The following SPMIP1 variants were observed in gnomAD, a reference collection of about 807,000 sequenced individuals.
SPMIP1 encodes sperm microtubule inner protein 1, also known as protein SPMIP1.
chr7:128,866,938 C>A, the SPMIP1 span: 1 of 1,120,988 alleles, frequency 8.9e-7, no homozygotes, highest in Non-Finnish European at 1.2e-6. Flanking sequence ...AAGGAGATGG[C>A]CAAGAAGTGT....
the SPMIP1 span, chr7:128,866,419 C>G: frequency 3.2e-5 from 48 of 1,521,644 alleles, no homozygotes; most frequent in Admixed American, 2.8e-4. Flanking sequence ...CATGTCACGG[C>G]AGCTCAACAT....
chr7:128,868,665 G>A, the SPMIP1 span: 1 of 1,532,368 alleles, frequency 6.5e-7, no homozygotes, highest in South Asian at 1.2e-5. Context: ...TCTTTTCCCA[G>A]GCCCCCCAGT....
the SPMIP1 span, chr7:128,871,890 T>A: frequency 6.6e-6 from 1 of 152,236 alleles, no homozygotes; most frequent in East Asian, 1.9e-4. Context: ...CTGGTAATAA[T>A]GTTATAATTG....
chr7:128,871,002 A>C, the SPMIP1 span: 1 of 152,420 alleles, frequency 6.6e-6, no homozygotes. Context: ...AGCTCTTGTA[A>C]GGAGCCTGAG....
chr7:128,866,837 C>T, the SPMIP1 span: 1 of 1,527,944 alleles, frequency 6.5e-7, no homozygotes, highest in Non-Finnish European at 8.8e-7. Context: ...CTGGGTGAGC[C>T]CAACCTCTTG....
chr7:128,866,501 G>T, the SPMIP1 span: 16 of 1,535,826 alleles, frequency 1.0e-5, no homozygotes, highest in Non-Finnish European at 1.4e-5. Context: ...GAATGGTACC[G>T]CAAGTATGGG....
the SPMIP1 span, chr7:128,869,941 C>T: frequency 6.6e-6 from 1 of 151,708 alleles, no homozygotes; most frequent in East Asian, 2.0e-4. Context: ...CGAGGAGCCC[C>T]TGCTGCCCGG....
the SPMIP1 span, among the ~76,000 whole-genome samples, chr7:128,868,139 G>A: frequency 3.3e-5 from 5 of 152,210 alleles, no homozygotes; most frequent in Admixed American, 2.6e-4. Context: ...GTTGCTGCAC[G>A]TCCCATTGCT....
chr7:128,870,286 T>G, the SPMIP1 span: 7 of 151,836 alleles, frequency 4.6e-5, no homozygotes, highest in Non-Finnish European at 7.3e-5. Context: ...CCCAGGCTTG[T>G]GAGATATTGC....
At chr7:128,868,668 C>T in the SPMIP1 span, 38 of 1,532,628 alleles carry the variant, frequency 2.5e-5, no homozygotes, top group Non-Finnish European at 3.1e-5. Context: ...TTTCCCAGGC[C>T]CCCCAGTGAA....
At chr7:128,868,744 C>A in the SPMIP1 span, 2 of 1,535,754 alleles carry the variant, frequency 1.3e-6, no homozygotes, top group Non-Finnish European at 1.7e-6. Flanking sequence ...GGGGCCTTCG[C>A]ACTGCTTGAT....
chr7:128,866,657 C>A, the SPMIP1 span: 9 of 1,535,594 alleles, frequency 5.9e-6, no homozygotes, highest in Non-Finnish European at 7.8e-6. Flanking sequence ...CCAGAGGCGC[C>A]TTTTCAGTCG....
At chr7:128,866,787 C>T in the SPMIP1 span, 1 of 1,535,862 alleles carries the variant, frequency 6.5e-7, no homozygotes, top group South Asian at 1.2e-5. Context: ...AGACGCGATA[C>T]CTCTTCCCCA....
the SPMIP1 span, chr7:128,868,725 C>T: frequency 6.5e-7 from 1 of 1,535,962 alleles, no homozygotes; most frequent in Non-Finnish European, 8.7e-7. Flanking sequence ...GTCATTCTTC[C>T]GCAAGAACGG....
chr7:128,868,689 G>A, the SPMIP1 span: 6 of 1,535,546 alleles, frequency 3.9e-6, no homozygotes, highest in South Asian at 6.0e-5. Context: ...GCAAGAACTG[G>A]TCTCCTGCAA....
chr7:128,867,597 AG>A, the SPMIP1 span, among the ~76,000 whole-genome samples: 3 of 151,704 alleles, frequency 2.0e-5, no homozygotes, highest in Admixed American at 2.0e-4. Context: ...TTTTTGAAAC[AG>A]TCTGACTCTG....
At chr7:128,867,754 T>C in the SPMIP1 span, among the ~76,000 whole-genome samples, 8 of 152,116 alleles carry the variant, frequency 5.3e-5, no homozygotes, top group African/African-American at 1.7e-4. Flanking sequence ...GTTTTTTTAG[T>C]AGAGACAGGG....
At chr7:128,869,179 G>C in the SPMIP1 span, 1 of 325,162 alleles carries the variant, frequency 3.1e-6, no homozygotes. Flanking sequence ...CCGAGGGCCC[G>C]CAGCCGCTCC....
the SPMIP1 span, chr7:128,870,112 G>C: frequency 6.6e-6 from 1 of 152,300 alleles, no homozygotes; most frequent in Admixed American, 6.5e-5. Flanking sequence ...GCTCGCCTTT[G>C]ATCATGCTCT....
Sources: allele counts gnomAD v4.1 joint callset (sites outside exome capture counted in the v4.1 genomes callset), GRCh38; gene constraint gnomAD v4.1.1; transcripts MANE v1.5; gene names NCBI Gene and HGNC (gene_info 2026-07-23, HGNC 2026-07-21).